Variants in EPHB2 observed in about 807,000 individuals in gnomAD.
EPHB2 encodes the protein ephrin type-B receptor 2.
Under a neutral mutation model 96.4 loss-of-function variants are expected in EPHB2, and 18 were observed. The ratio of observed to expected loss-of-function variants is 0.19; its 90% CI spans 0.13 to 0.28. EPHB2 has a LOEUF of 0.28. Ranked by LOEUF, EPHB2 falls within the 10% of genes least tolerant of loss-of-function variation. The probability of loss-of-function intolerance (pLI) is 1.00; values close to 1 mark genes in which losing one functional copy is unlikely to be tolerated. For missense variants in EPHB2, 989 were observed against 1,355.4 expected, an observed-to-expected ratio of 0.73 and a Z score of 4.25; for synonymous variants, 506 against 534.1, an observed-to-expected ratio of 0.95 and a Z score of 0.72.
At chr1:22,765,005 G>A (rs1028272060) in intron 1 of EPHB2, among the ~76,000 whole-genome samples, 1 of 152,206 alleles carries the variant, frequency 6.6e-6, no homozygotes, top group African/African-American at 2.4e-5. Flanking sequence ...AATGGGAGGA[G>A]GGCAGAGGCT....
chr1:22,848,198 A>G (rs774776096), intron 3 of EPHB2, among the ~76,000 whole-genome samples: 1 of 152,156 alleles, frequency 6.6e-6, no homozygotes, highest in Non-Finnish European at 1.5e-5. Flanking sequence ...GAGCCAAGTG[A>G]GATTAAGAAG....
rs1299707861 is a variant in EPHB2 at position 22,858,522 on chromosome 1, GC to G, written c.812-4513del. ...GAGACTGAGTTTCAAAGGGGAGGAG[GC>G]CTTCCCAAGCCCACACGCCCGTCAG... is the stretch of plus-strand genomic sequence containing the variant. On this transcript the variant is annotated intron_variant, in intron 3 of 15. Coordinates refer to ENST00000374630, the MANE Select transcript of EPHB2 (RefSeq NM_017449.5). The surrounding 1 kb of genome is among the most constrained non-coding windows in gnomAD (Gnocchi z 7.7). Among the ~76,000 whole-genome samples, 1 of 152,126 alleles carries G rather than the reference GC, an allele frequency of 6.6e-6. No homozygotes were observed. Among genetic ancestry groups the G allele is most frequent in the African/African-American group, 2.4e-5 (1 of 41,424 alleles).
intron 5 of EPHB2, among the ~76,000 whole-genome samples, chr1:22,867,963 C>T (rs781662021): frequency 1.8e-4 from 27 of 152,362 alleles, no homozygotes; most frequent in Non-Finnish European, 3.7e-4. Flanking sequence ...CTTGACAAAG[C>T]TCTGAGCTGG....
At chr1:22,868,321 G>C (rs532265098) in intron 5 of EPHB2, among the ~76,000 whole-genome samples, 10 of 152,198 alleles carry the variant, frequency 6.6e-5, no homozygotes, top group Non-Finnish European at 1.5e-4. Context: ...TAGGAGCAGA[G>C]ACCGAGGCTT....
intron 1 of EPHB2, among the ~76,000 whole-genome samples, chr1:22,740,484 G>A (rs536769103): frequency 2.0e-5 from 3 of 152,234 alleles, no homozygotes; most frequent in Admixed American, 6.5e-5. Context: ...GCGGTCTGGC[G>A]GGCTTGGGAT....
chr1:22,815,751 G>A (rs1195758100), intron 3 of EPHB2, among the ~76,000 whole-genome samples: 1 of 152,254 alleles, frequency 6.6e-6, no homozygotes, highest in Non-Finnish European at 1.5e-5. Flanking sequence ...GTTGTTCATA[G>A]TTTCCAGAGT....
In EPHB2 at chr1:22,712,656, C is replaced by T. The variant is rs150079297; in HGVS notation, c.61+1613C>T. The stretch of plus-strand genomic sequence containing the variant: ...GTCCTTCGGCTCCTGGGGGATTTGG[C>T]GGCTGACTGCGGTTTCCCGGAGTGG... On this transcript the variant is annotated intron_variant, in intron 1 of 15. Coordinates refer to ENST00000374630, the MANE Select transcript of EPHB2 (RefSeq NM_017449.5). Among the ~76,000 whole-genome samples the T allele has an allele frequency of 2.8e-4, 42 of 152,296 alleles. No individual in the cohort carries two copies. The East Asian group carries it at 7.9e-3, about 29-fold the overall frequency.
At chr1:22,739,324 T>C (rs547236269) in intron 1 of EPHB2, among the ~76,000 whole-genome samples, 1 of 152,282 alleles carries the variant, frequency 6.6e-6, no homozygotes, top group East Asian at 1.9e-4. Context: ...CAAGCGATTC[T>C]CGTGCCTTAG....
At position 22,919,147 on chromosome 1, in the gene EPHB2, A is replaced by G. The variant is rs1245442095; in HGVS notation, c.*5577A>G. On this transcript the variant is annotated 3_prime_UTR_variant, in exon 16 of 16. Transcript: ENST00000374630. The stretch of plus-strand genomic sequence containing the variant: ...GCTCCTCCAGGAGATTCCTCCAGAC[A>G]TGGAAATCCTCACTTGACTCTTCCC... 4 of 152,254 alleles carry G rather than the reference A, an allele frequency of 2.6e-5. No homozygotes were observed. In the East Asian group the frequency reaches 7.7e-4, roughly 29 times the overall value. 9.4% of individuals were successfully genotyped at this position (152,254 alleles called of 1,614,324 possible). A position where few individuals can be genotyped will look rare whatever the true frequency, so the allele number is the denominator to read the frequency against.
chr1:22,758,378 TCTC>T (rs1644185160), intron 1 of EPHB2, among the ~76,000 whole-genome samples: 1 of 151,670 alleles, frequency 6.6e-6, no homozygotes, highest in Non-Finnish European at 1.5e-5. Context: ...GAGAACAGCT[TCTC>T]CTAGGAGAGG....
chr1:22,886,883 C>T (rs1294304551), intron 6 of EPHB2, among the ~76,000 whole-genome samples: 1 of 152,066 alleles, frequency 6.6e-6, no homozygotes, highest in African/African-American at 2.4e-5. Flanking sequence ...ACCTCAGCCA[C>T]CCAAAGTGCT....
At chr1:22,895,332 C>A in intron 7 of EPHB2, 140 bp from the exon 8 acceptor site, 3 of 753,034 alleles carry the variant, frequency 4.0e-6, no homozygotes, top group South Asian at 1.5e-5. Flanking sequence ...TCTGCATGGG[C>A]ATGTAACAGG....
intron 3 of EPHB2, among the ~76,000 whole-genome samples, chr1:22,786,691 G>A (rs1056576670): frequency 3.9e-5 from 6 of 152,206 alleles, no homozygotes; most frequent in Non-Finnish European, 8.8e-5. Context: ...CTGGAGTGGG[G>A]CATCCACCTG....
At chr1:22,719,291 A>G (rs1643375458) in intron 1 of EPHB2, among the ~76,000 whole-genome samples, 1 of 152,054 alleles carries the variant, frequency 6.6e-6, no homozygotes, top group Admixed American at 6.5e-5. Context: ...AGATAATATG[A>G]CTCGCCCAAA....
At chr1:22,837,382 G>T (rs764936014) in intron 3 of EPHB2, among the ~76,000 whole-genome samples, 2 of 152,144 alleles carry the variant, frequency 1.3e-5, no homozygotes. Flanking sequence ...TGCTGTGCGG[G>T]GTGGGGAGGA....
At chr1:22,719,169 C>A (rs931964831) in intron 1 of EPHB2, among the ~76,000 whole-genome samples, 13 of 152,106 alleles carry the variant, frequency 8.5e-5, no homozygotes, top group Admixed American at 5.9e-4. Flanking sequence ...AGTCACAGGG[C>A]CATTTGCAGC....
chr1:22,913,908 G>A lies in EPHB2; in HGVS notation c.*338G>A. ...GAGATTCATGCGATGTGTCCAATCG[G>A]AGACAAAAGCAGTTTCTCTCCAACT... On this transcript the variant is annotated 3_prime_UTR_variant, in exon 16 of 16. Transcript: ENST00000374630. This position sits in a 1 kb window ranked among gnomAD's most constrained non-coding sequence, Gnocchi z 4.1. 6.5e-7 allele frequency: 1 copy of A among 1,530,824 alleles called. No individual in the cohort carries two copies. 94.8% of individuals were successfully genotyped at this position (1,530,824 alleles called of 1,614,324 possible).
chr1:22,777,769 T>G (rs1252479705), intron 1 of EPHB2, among the ~76,000 whole-genome samples: 2 of 152,146 alleles, frequency 1.3e-5, no homozygotes, highest in Non-Finnish European at 2.9e-5. Flanking sequence ...TTGGAGCCTC[T>G]TGGGCCTGCC....
chr1:22,738,579 C>T (rs1011793854), intron 1 of EPHB2, among the ~76,000 whole-genome samples: 2 of 152,240 alleles, frequency 1.3e-5, no homozygotes, highest in African/African-American at 4.8e-5. Context: ...TTCAGATCTA[C>T]AGATAACTTC....
Sources: allele counts gnomAD v4.1 joint callset (sites outside exome capture counted in the v4.1 genomes callset), GRCh38; gene constraint gnomAD v4.1.1; non-coding constraint Gnocchi (gnomAD v3.1); transcripts MANE v1.5; gene names NCBI Gene and HGNC (gene_info 2026-07-23, HGNC 2026-07-21).